The following ING3 variants were observed in gnomAD, a reference collection of about 807,000 sequenced individuals.
ING3 encodes the protein inhibitor of growth protein 3.
ING3 carries 6 observed loss-of-function variants against 64.8 expected under a neutral mutation model. That is an observed-to-expected ratio of 0.09 (90% confidence interval 0.05 to 0.18). The LOEUF is 0.18. Ranked by LOEUF, ING3 falls within the 10% of genes least tolerant of loss-of-function variation. The probability of loss-of-function intolerance (pLI) is 1.00; values close to 1 mark genes in which losing one functional copy is unlikely to be tolerated. For synonymous variants in ING3, 170 were observed against 173.7 expected (o/e 0.98, Z 0.17); for missense variants, 310 against 489.7 (o/e 0.63, Z 3.46).
rs765005996 is a variant in ING3 at position 120,951,146 on chromosome 7, G to C, written c.29-18G>C. 2 of 1,613,722 alleles carry C rather than the reference G, an allele frequency of 1.2e-6. No homozygotes were observed. The highest frequency in any genetic ancestry group is 2.2e-5 in the South Asian group (2 of 91,056). On this transcript the variant is annotated intron_variant, in intron 1 of 11. Coordinates refer to ENST00000315870, the MANE Select transcript of ING3 (RefSeq NM_019071.3). ...TCGCCGTTGGCCCCGCCCCTCTGAC[G>C]GACTCTCCCTTTGACAGTGATTGAG...
intron 2 of ING3, 85 bp from the exon 3 acceptor site, chr7:120,953,219 G>T: frequency 2.8e-6 from 2 of 718,978 alleles, no homozygotes; most frequent in South Asian, 4.0e-5. Context: ...TGTATTGTCA[G>T]ATTTTTTCCC....
Position 120,973,251 on chromosome 7 carries a change from T to C in ING3, c.1140+8T>C. 6.6e-7 allele frequency: 1 copy of C among 1,514,796 alleles called. No individual in the cohort carries two copies. Among genetic ancestry groups the C allele is most frequent in the Non-Finnish European group, 9.1e-7 (1 of 1,094,612 alleles). 93.8% of individuals were successfully genotyped at this position (1,514,796 alleles called of 1,614,324 possible). ...GGATGTGATAACCAAGATGTAAGTA[T>C]TACATTTTTCTATTTAGGAATGAAA... is the stretch of plus-strand genomic sequence containing the variant. On this transcript the variant is annotated splice_region_variant and intron_variant, in intron 11 of 11. Coordinates refer to ENST00000315870, the MANE Select transcript of ING3 (RefSeq NM_019071.3).
At chr7:120,963,453 AAC>A (rs2116673130) in intron 4 of ING3, among the ~76,000 whole-genome samples, 1 of 151,992 alleles carries the variant, frequency 6.6e-6, no homozygotes, top group East Asian at 1.9e-4. Flanking sequence ...TCAAAAAAAA[AAC>A]AGTTGTTTTC....
At chr7:120,966,271 C>T (rs1795995891) in intron 5 of ING3, among the ~76,000 whole-genome samples, 1 of 152,124 alleles carries the variant, frequency 6.6e-6, no homozygotes, top group Non-Finnish European at 1.5e-5. Flanking sequence ...AGGTCTTCAA[C>T]TCAGTAAAAC....
intron 2 of ING3, 76 bp downstream of exon 2, chr7:120,951,311 C>G (rs1795761223): frequency 7.3e-7 from 1 of 1,374,734 alleles, no homozygotes; most frequent in Non-Finnish European, 1.0e-6. Flanking sequence ...CTGCTAGCGC[C>G]TAGTGCTCTT....
Position 120,975,981 on chromosome 7 carries a change from TAA to T in ING3, c.*1139_*1140del, listed in dbSNP as rs1466982348. The T allele has an allele frequency of 2.0e-5, 3 of 151,924 alleles. No individual in the cohort carries two copies. Among genetic ancestry groups the T allele is most frequent in the Non-Finnish European group, 4.4e-5 (3 of 67,986 alleles). 9.4% of individuals were successfully genotyped at this position (151,924 alleles called of 1,614,324 possible). On this transcript the variant is annotated 3_prime_UTR_variant, in exon 12 of 12. Transcript: ENST00000315870. ...CTGGAGGCAATGTAGCCAAATAGAG[TAA>T]AGAGACCCCCCTGGTCGGGAGCTCC...
chr7:120,973,005 C>T (rs2116693174), intron 10 of ING3, among the ~76,000 whole-genome samples, 200 bp from the exon 11 acceptor site: 1 of 152,228 alleles, frequency 6.6e-6, no homozygotes, highest in Admixed American at 6.5e-5. Context: ...CAGATAATTC[C>T]TGTGCATTTC....
intron 5 of ING3, among the ~76,000 whole-genome samples, chr7:120,966,064 A>G (rs1475147832): frequency 6.6e-6 from 1 of 152,210 alleles, no homozygotes; most frequent in African/African-American, 2.4e-5. Flanking sequence ...TCAAGGGATC[A>G]AAAATAAACC....
At chr7:120,953,651 A>G (rs1445663881) in intron 3 of ING3, among the ~76,000 whole-genome samples, 4 of 152,218 alleles carry the variant, frequency 2.6e-5, no homozygotes, top group Non-Finnish European at 5.9e-5. Context: ...TTTAAAAGTT[A>G]CTTTTTTTTC....
At chr7:120,950,956 T>A in intron 1 of ING3, 32 bp downstream of exon 1, 1 of 1,551,032 alleles carries the variant, frequency 6.4e-7, no homozygotes, top group Non-Finnish European at 8.7e-7. Context: ...CGGCCGCCAG[T>A]GGGACGTGCG....
At chr7:120,966,552 C>T (rs1795999343) in intron 5 of ING3, 74 bp from the exon 6 acceptor site, 1 of 1,104,868 alleles carries the variant, frequency 9.1e-7, no homozygotes, top group Non-Finnish European at 1.4e-6. Flanking sequence ...AACTCATTGC[C>T]TGTAGTTGAG....
At chr7:120,956,665 C>G (rs1562972911) in intron 4 of ING3, 3 of 986,020 alleles carry the variant, frequency 3.0e-6, no homozygotes, top group Non-Finnish European at 3.6e-6. Flanking sequence ...TAGGCTGTAG[C>G]TTGATTTACT....
chr7:120,964,891 G>A (rs970610215), intron 5 of ING3, 53 bp downstream of exon 5: 65 of 1,401,312 alleles, frequency 4.6e-5, no homozygotes, highest in African/African-American at 1.3e-4. Flanking sequence ...TGTGCAAATC[G>A]CTGAGAAGAC....
At chr7:120,954,577 G>C (rs1021503766) in intron 3 of ING3, among the ~76,000 whole-genome samples, 5 of 152,140 alleles carry the variant, frequency 3.3e-5, no homozygotes, top group Non-Finnish European at 2.9e-5. Context: ...AACAGAAGTG[G>C]TCCTAGCTTG....
chr7:120,964,883 T>A (rs1438461076), intron 5 of ING3, 45 bp downstream of exon 5: 1 of 1,457,804 alleles, frequency 6.9e-7, no homozygotes. Flanking sequence ...ACAGTACATG[T>A]GCAAATCGCT....
At chr7:120,959,519 C>G (rs1322468066) in intron 4 of ING3, among the ~76,000 whole-genome samples, 2 of 152,134 alleles carry the variant, frequency 1.3e-5, no homozygotes, top group African/African-American at 4.8e-5. Flanking sequence ...CTACCCTCCC[C>G]TGCCCCATCA....
rs1796140967 is a variant in ING3, at chr7:120,976,844, A to G, written c.*2000A>G. The G allele has an allele frequency of 6.6e-6, 1 of 152,186 alleles. No individual in the cohort carries two copies. The highest frequency in any genetic ancestry group is 1.9e-4 in the East Asian group (1 of 5,196). 9.4% of individuals were successfully genotyped at this position (152,186 alleles called of 1,614,324 possible). On this transcript the variant is annotated 3_prime_UTR_variant, in exon 12 of 12. Coordinates refer to ENST00000315870, the MANE Select transcript of ING3 (RefSeq NM_019071.3). ...TTTAAACTCAAACACTGAATATTTTATGAAGCATGTGTAAAGAAAGAAACC... is the reference window on the plus strand; with the variant it reads ...TTTAAACTCAAACACTGAATATTTTGTGAAGCATGTGTAAAGAAAGAAACC...
intron 4 of ING3, among the ~76,000 whole-genome samples, chr7:120,961,613 G>A (rs1795934860): frequency 6.6e-6 from 1 of 152,182 alleles, no homozygotes; most frequent in Admixed American, 6.5e-5. Context: ...AAATATTATA[G>A]GATGAAGGAT....
At position 120,950,787 on chromosome 7, in the gene ING3, G is replaced by T; in HGVS notation, c.-110G>T. On this transcript the variant is annotated 5_prime_UTR_variant, in exon 1 of 12. Coordinates refer to ENST00000315870, the MANE Select transcript of ING3 (RefSeq NM_019071.3). ...CTTTTTTTTTTTTTGCCGGAGTCGA[G>T]CGGGTGCTGCTAGCGGAGGCGCCAT... is the stretch of plus-strand genomic sequence containing the variant. 1 of 784,386 alleles carries T rather than the reference G, an allele frequency of 1.3e-6. No homozygotes were observed. The highest frequency in any genetic ancestry group is 2.0e-6 in the Non-Finnish European group (1 of 508,694). 48.6% of individuals were successfully genotyped at this position (784,386 alleles called of 1,614,324 possible).
Sources: gnomAD v4.1 joint callset for allele counts (sites outside exome capture counted in the v4.1 genomes callset) on GRCh38, gnomAD v4.1.1 for gene constraint, MANE v1.5 for transcripts, NCBI Gene and HGNC (gene_info 2026-07-23, HGNC 2026-07-21) for gene names.